Variants in COL4A1 observed in about 807,000 individuals in gnomAD.
The protein encoded by COL4A1 is collagen type IV alpha 1 chain.
COL4A1 carries 40 observed loss-of-function variants against 216.6 expected under a neutral mutation model. That is an observed-to-expected ratio of 0.18 (90% CI 0.14 to 0.24). COL4A1 has a LOEUF of 0.24. Ranked by LOEUF, COL4A1 falls within the 10% of genes least tolerant of loss-of-function variation. COL4A1 has a pLI of 1.00. For synonymous variants in COL4A1, 839 were observed against 810.7 expected, an observed-to-expected ratio of 1.03 and a Z score of -0.59; for missense variants, 1,628 against 2,196.8, an observed-to-expected ratio of 0.74 and a Z score of 5.18.
At chr13:110,197,074 G>A (rs181215155) in intron 21 of COL4A1, among the ~76,000 whole-genome samples, 4 of 151,656 alleles carry the variant, frequency 2.6e-5, no homozygotes, top group Admixed American at 6.6e-5. Flanking sequence ...TTTACATGAC[G>A]TGTGTTTATA....
At position 110,181,366 on chromosome 13, in the gene COL4A1, T is replaced by G. The variant is rs753036227; in HGVS notation, c.2119A>C (p.Met707Leu). 8 of 1,613,394 alleles carry G rather than the reference T, an allele frequency of 5.0e-6. No individual in the cohort carries two copies. In the South Asian group the frequency reaches 7.7e-5, roughly 16 times the overall value. The change falls in exon 29 of 52, where the codon ATG becomes CTG. Residue 707 changes from methionine (M) to leucine (L), a missense_variant. Met to Leu is a conservative substitution (Grantham distance 15). Around this residue, in one of 8 missense-constraint regions of COL4A1, gnomAD observed 701 missense variants for 892.5 expected, o/e 0.79. Coordinates refer to ENST00000375820, the MANE Select transcript of COL4A1 (RefSeq NM_001845.6). The stretch of plus-strand genomic sequence containing the variant: ...CGACCTGGAGTCCCCGGTGGCCCCA[T>G]GTCTCCAGGTAAGCCGTCAACACCT... ...PKGVDGLPGD[M>L]GPPGTPGRPG...
intron 1 of COL4A1, among the ~76,000 whole-genome samples, chr13:110,282,341 T>A (rs1883664332): frequency 6.6e-6 from 1 of 152,180 alleles, no homozygotes; most frequent in Non-Finnish European, 1.5e-5. Flanking sequence ...TACTGGCACA[T>A]CAAGGGAAGC....
intron 1 of COL4A1, among the ~76,000 whole-genome samples, chr13:110,257,646 T>TA (rs1264307182): frequency 1.3e-5 from 2 of 152,208 alleles, no homozygotes; most frequent in African/African-American, 4.8e-5. Context: ...TGGTTAACTG[T>TA]ACAAGGTCAG....
chr13:110,258,229 C>A (rs1882663010), intron 1 of COL4A1, among the ~76,000 whole-genome samples: 1 of 152,190 alleles, frequency 6.6e-6, no homozygotes. Flanking sequence ...CAAAGTGAAC[C>A]GGGCAGCACT....
intron 1 of COL4A1, among the ~76,000 whole-genome samples, chr13:110,256,748 G>GT (rs1882593398): frequency 6.6e-6 from 1 of 152,002 alleles, no homozygotes; most frequent in Admixed American, 6.6e-5. Context: ...CGGCGGCGGG[G>GT]GGGTCTATCC....
Position 110,307,068 on chromosome 13 carries a change from G to C in COL4A1, c.-41C>G. The C allele has an allele frequency of 7.2e-7, 1 of 1,396,608 alleles. No homozygotes were observed. Among genetic ancestry groups the C allele is most frequent in the Non-Finnish European group, 9.3e-7 (1 of 1,072,150 alleles). 86.5% of individuals were successfully genotyped at this position (1,396,608 alleles called of 1,614,324 possible). Reference sequence around the variant, plus strand: ...GCGGCGAGGGACGGCTGCCCGGCGTGCGGGGGCCGCGGCGGACAGCTAGCT... The same window carrying C: ...GCGGCGAGGGACGGCTGCCCGGCGTCCGGGGGCCGCGGCGGACAGCTAGCT... On this transcript the variant is annotated 5_prime_UTR_variant, in exon 1 of 52. Transcript: ENST00000375820. The surrounding 1 kb of genome is among the most constrained non-coding windows in gnomAD (Gnocchi z 5.0).
Position 110,174,016 on chromosome 13 carries a change from C to A in COL4A1, c.3407-18G>T. On this transcript the variant is annotated intron_variant, in intron 39 of 51. Coordinates refer to ENST00000375820, the MANE Select transcript of COL4A1 (RefSeq NM_001845.6). Reference sequence around the variant, plus strand: ...AGGAAGACCTCAAAGAGAAAAGTCACATCAGACACCCGCATAACCTCTCAC... The same window carrying A: ...AGGAAGACCTCAAAGAGAAAAGTCAAATCAGACACCCGCATAACCTCTCAC... 6.2e-7 allele frequency: 1 copy of A among 1,613,628 alleles called. No homozygotes were observed. The highest frequency in any genetic ancestry group is 8.5e-7 in the Non-Finnish European group (1 of 1,179,712).
chr13:110,200,377 C>A (rs2139189637), intron 20 of COL4A1, among the ~76,000 whole-genome samples: 1 of 152,320 alleles, frequency 6.6e-6, no homozygotes, highest in Admixed American at 6.5e-5. Flanking sequence ...TCCAGGGAGG[C>A]AAGGCTGGGG....
intron 41 of COL4A1, 107 bp from the exon 42 acceptor site, chr13:110,170,839 C>T (rs1224591333): frequency 5.7e-6 from 7 of 1,222,294 alleles, no homozygotes; most frequent in Non-Finnish European, 4.7e-6. Flanking sequence ...CTGTAGGTAC[C>T]GCTCAGAGGG....
chr13:110,172,852 T>G, intron 40 of COL4A1, 82 bp from the exon 41 acceptor site: 1 of 1,099,830 alleles, frequency 9.1e-7, no homozygotes, highest in Non-Finnish European at 1.4e-6. Flanking sequence ...CTATCAACTC[T>G]GCAATAATAC....
In COL4A1 at chr13:110,162,386, G is replaced by C. The variant is rs757423812; in HGVS notation, c.4306C>G (p.Pro1436Ala). 6.2e-7 allele frequency: 1 copy of C among 1,614,222 alleles called. No individual in the cohort carries two copies. Among genetic ancestry groups the C allele is most frequent in the Admixed American group, 1.7e-5 (1 of 60,028 alleles). The change falls in exon 48 of 52, where the codon CCC (proline) becomes GCC (alanine). Residue 1436 changes from proline (P) to alanine (A), a missense_variant. Pro to Ala is a conservative substitution (Grantham distance 27, BLOSUM62 -1). This residue lies in a region of COL4A1 where 23 missense variants were observed against 55.3 expected (regional missense o/e 0.42). Transcript: ENST00000375820. ...GPDGLPGSMG[P>A]PGTPSVDHGF... Reference sequence around the variant, plus strand: ...TGATCAACAGATGGGGTGCCTGGGGGCCCCATGGATCCTGGCAACCCATCG... The same window carrying C: ...TGATCAACAGATGGGGTGCCTGGGGCCCCCATGGATCCTGGCAACCCATCG...
At chr13:110,201,248 GGAGGAGGAA>G (rs1879183390) in intron 19 of COL4A1, 181 bp downstream of exon 19, 1 of 592,688 alleles carries the variant, frequency 1.7e-6, no homozygotes, top group Admixed American at 3.0e-5. Context: ...AGAAGGAGGA[GGAGGAGGAA>G]GAGGAGAAAG....
intron 16 of COL4A1, 35 bp from the exon 17 acceptor site, chr13:110,205,441 GCC>G: frequency 6.2e-7 from 1 of 1,614,048 alleles, no homozygotes; most frequent in South Asian, 1.1e-5. Context: ...ACCGTCAGAG[GCC>G]AGTGGTAGGA....
chr13:110,292,359 C>T (rs553949018), intron 1 of COL4A1, among the ~76,000 whole-genome samples: 29 of 152,306 alleles, frequency 1.9e-4, no homozygotes, highest in African/African-American at 6.5e-4. Flanking sequence ...AAGGGGTTCA[C>T]GGGCCCCCCA....
At chr13:110,275,747 C>T (rs1883403851) in intron 1 of COL4A1, among the ~76,000 whole-genome samples, 1 of 152,190 alleles carries the variant, frequency 6.6e-6, no homozygotes, top group Non-Finnish European at 1.5e-5. Context: ...CGTGAACAGA[C>T]ATGGAGGAAC....
At chr13:110,170,107 GAGGAAAGAAGGAAGGAAGGA>G (rs1371546115) in intron 42 of COL4A1, among the ~76,000 whole-genome samples, 10 of 73,470 alleles carry the variant, frequency 1.4e-4, no homozygotes, top group African/African-American at 5.2e-4. Context: ...GAGAGGAAGG[GAGGAAAGAAGGAAGGAAGGA>G]AGGAAGGAAG....
intron 2 of COL4A1, among the ~76,000 whole-genome samples, chr13:110,233,413 C>T (rs1410405065): frequency 5.3e-5 from 8 of 152,128 alleles, no homozygotes; most frequent in Admixed American, 3.3e-4. Context: ...AAGACACCCT[C>T]GGGTCCTGCA....
intron 1 of COL4A1, among the ~76,000 whole-genome samples, chr13:110,254,923 G>T (rs1244187369): frequency 6.6e-6 from 1 of 152,194 alleles, no homozygotes; most frequent in Non-Finnish European, 1.5e-5. Flanking sequence ...CTATGTGCTT[G>T]CCACTGTACT....
In COL4A1 at chr13:110,179,026, T is replaced by C; in HGVS notation, c.2355A>G (p.Gly785=). 2 of 1,610,008 alleles carry C rather than the reference T, an allele frequency of 1.2e-6. No homozygotes were observed. The highest frequency in any genetic ancestry group is 1.7e-6 in the Non-Finnish European group (2 of 1,178,678). The change falls in exon 31 of 52, where the codon GGA becomes GGG. Residue 785 remains glycine, a synonymous_variant. Coordinates refer to ENST00000375820, the MANE Select transcript of COL4A1 (RefSeq NM_001845.6). ...PGLQGIRGEP[G]PPGLPGSVGS... The stretch of plus-strand genomic sequence containing the variant: ...CCACGGAGCCTGGCAATCCAGGAGG[T>C]CCCGGTTCACCTGGAGAAGAAAAAT...
Sources: allele counts gnomAD v4.1 joint callset (sites outside exome capture counted in the v4.1 genomes callset), GRCh38; gene constraint gnomAD v4.1.1; regional missense constraint gnomAD v4.1.1; non-coding constraint Gnocchi (gnomAD v3.1); transcripts MANE v1.5; gene names NCBI Gene and HGNC (gene_info 2026-07-23, HGNC 2026-07-21).